The following CCDC22 variants were observed in gnomAD, a reference collection of about 807,000 sequenced individuals.
CCDC22 encodes CCC complex scaffolding subunit CCDC22.
CCDC22 carries 4 observed loss-of-function variants against 53.1 expected under a neutral mutation model. The ratio of observed to expected loss-of-function variants is 0.08; its 90% CI spans 0.04 to 0.17. The LOEUF (loss-of-function observed/expected upper bound fraction) is 0.17. Ranked by LOEUF, CCDC22 falls within the 10% of genes least tolerant of loss-of-function variation. CCDC22 has a pLI of 1.00. For missense variants in CCDC22, 458 were observed against 554.0 expected, an observed-to-expected ratio of 0.83 and a Z score of 1.74; for synonymous variants, 222 against 224.4, an observed-to-expected ratio of 0.99 and a Z score of 0.10.
At chrX:49,250,012 C>T (rs2066017450) in intron 16 of CCDC22, 136 bp from the exon 17 acceptor site, 6 of 476,828 alleles carry the variant, frequency 1.3e-5, no homozygotes, top group Admixed American at 3.3e-5. Context: ...GAACACCACA[C>T]GAGGCCTGGC....
At position 49,250,257 on chromosome X, in the gene CCDC22, C is replaced by G. The variant is rs1557115225; in HGVS notation, c.1880C>G (p.Ala627Gly). Residue 627 changes from alanine (A) to glycine (G), a missense_variant, in exon 17 of 17, where the codon GCC (alanine) becomes GGC (glycine). By Grantham distance (60) the Ala-to-Gly change is moderately conservative (BLOSUM62 0). Coordinates refer to ENST00000376227, the MANE Select transcript of CCDC22 (RefSeq NM_014008.5). ...NAGLLGRVRE[A>G] Reference sequence around the variant, plus strand: ...GGCCTCCTAGGCCGGGTCCGGGAGGCCTGAGGAGCCGCCGGCAGAGGTCTC... The same window carrying G: ...GGCCTCCTAGGCCGGGTCCGGGAGGGCTGAGGAGCCGCCGGCAGAGGTCTC... 9.2e-7 allele frequency: 1 copy of G among 1,088,871 alleles called. No individual in the cohort carries two copies. Among genetic ancestry groups the G allele is most frequent in the Non-Finnish European group, 1.2e-6 (1 of 801,622 alleles). 89.7% of individuals were successfully genotyped at this position (1,088,871 alleles called of 1,213,427 possible).
chrX:49,247,049 C>T (rs1185722145), intron 7 of CCDC22, 124 bp downstream of exon 7: 3 of 618,044 alleles, frequency 4.9e-6, no homozygotes, highest in Non-Finnish European at 7.6e-6. Flanking sequence ...AGGCCCTCGC[C>T]CCACTGTGGG....
Position 49,247,490 on chromosome X carries a change from C to T in CCDC22, c.910-6C>T, listed in dbSNP as rs1557114401. On this transcript the variant is annotated splice_polypyrimidine_tract_variant and splice_region_variant and intron_variant, in intron 7 of 16. Transcript: ENST00000376227. ...CAGCCAGGATGCCCCTCGTCACTCCCCTTAGGAGCCCCAGGCCCAGGCCAC... is the reference window on the plus strand; with the variant it reads ...CAGCCAGGATGCCCCTCGTCACTCCTCTTAGGAGCCCCAGGCCCAGGCCAC... The T allele has an allele frequency of 8.4e-7, 1 of 1,191,112 alleles. No homozygotes were observed.
At chrX:49,248,345 AGGGTG>A (rs782790238) in intron 10 of CCDC22, 35 bp downstream of exon 10, 6 of 135,080 alleles carry the variant, frequency 4.4e-5, no homozygotes, top group South Asian at 6.4e-5. Context: ...GGAGAGGGGC[AGGGTG>A]GGGTGGGGTG....
chrX:49,249,454 T>C, intron 14 of CCDC22, 55 bp from the exon 15 acceptor site: 2 of 1,108,399 alleles, frequency 1.8e-6, no homozygotes, highest in Non-Finnish European at 2.5e-6. Flanking sequence ...TCTTAGGGCA[T>C]GGAGATGGTC....
chrX:49,238,238 G>A (rs2065947727), intron 2 of CCDC22, among the ~76,000 whole-genome samples: 1 of 109,844 alleles, frequency 9.1e-6, no homozygotes, highest in African/African-American at 3.3e-5. Context: ...GCACCACCAT[G>A]CTCAGTTAAT....
chrX:49,238,379 G>A (rs1370235373), intron 2 of CCDC22, among the ~76,000 whole-genome samples: 33 of 111,037 alleles, frequency 3.0e-4, no homozygotes, highest in Admixed American at 2.7e-3. Context: ...GCGCCCGGCC[G>A]ACACGGTCAT....
At chrX:49,236,164 A>G (rs1469152767) in intron 1 of CCDC22, among the ~76,000 whole-genome samples, 1 of 106,050 alleles carries the variant, frequency 9.4e-6, no homozygotes, top group Non-Finnish European at 1.9e-5. Flanking sequence ...TTCAAACTCC[A>G]GTTCCCCAAA....
In CCDC22 at chrX:49,243,406, C is replaced by T. The variant is rs782108051; in HGVS notation, c.658C>T (p.Arg220Trp). The change falls in exon 6 of 17, where the codon CGG becomes TGG. Residue 220 changes from arginine to tryptophan, a missense_variant. Physicochemically the swap from Arg to Trp is moderately radical, Grantham distance 101 (BLOSUM62 -3). Coordinates refer to ENST00000376227, the MANE Select transcript of CCDC22 (RefSeq NM_014008.5). ...CCTGCAGCTCTGCCAGCAGACGGGCCGGGACCGGCCAGGGGATGAGGACTG... is the reference window on the plus strand; with the variant it reads ...CCTGCAGCTCTGCCAGCAGACGGGCTGGGACCGGCCAGGGGATGAGGACTG... The part of the protein sequence containing the change: ...HALQLCQQTG[R>W]DRPGDEDWVH... 2.5e-5 allele frequency: 30 copies of T among 1,201,964 alleles called. No individual in the cohort carries two copies. Among genetic ancestry groups the T allele is most frequent in the Middle Eastern group, 2.3e-4 (1 of 4,323 alleles).
chrX:49,244,578 T>TG (rs2147938886), intron 6 of CCDC22, among the ~76,000 whole-genome samples: 1 of 110,468 alleles, frequency 9.1e-6, no homozygotes, highest in Admixed American at 9.7e-5. Flanking sequence ...TCTTTTTTTT[T>TG]GAGACGGTGT....
chrX:49,244,310 TTC>T (rs1406157341), intron 6 of CCDC22, among the ~76,000 whole-genome samples: 1 of 110,050 alleles, frequency 9.1e-6, no homozygotes, highest in African/African-American at 3.3e-5. Context: ...TCCCCTCTTC[TTC>T]TCTGTGCACC....
At chrX:49,235,825 T>TAA in intron 1 of CCDC22, 139 bp downstream of exon 1, 2 of 253,545 alleles carry the variant, frequency 7.9e-6, no homozygotes, top group Non-Finnish European at 6.9e-6. Flanking sequence ...CCTCACCCCC[T>TAA]TACACACACA....
rs150850672 is a variant in CCDC22 at position 49,250,187 on chromosome X, G to A, written c.1810G>A (p.Glu604Lys). The A allele has an allele frequency of 1.0e-5, 12 of 1,165,685 alleles. No individual in the cohort carries two copies. The African/African-American group carries it at 2.0e-4, about 19-fold the overall frequency. Residue 604 changes from glutamate to lysine, a missense_variant, in exon 17 of 17, where the codon GAG (glutamate) becomes AAG (lysine). By Grantham distance (56) the Glu-to-Lys change is moderately conservative. Around this residue, in one of 4 missense-constraint regions of CCDC22, gnomAD observed 46 missense variants for 52.3 expected, o/e 0.88. Transcript: ENST00000376227. ...GGGCAAGAAGACCCTCAGCAACCTG[G>A]AGAAGATCCGGGAGGACTACCGAGC... is the stretch of plus-strand genomic sequence containing the variant. The part of the protein sequence containing the change: ...ELGKKTLSNL[E>K]KIREDYRALR...
intron 1 of CCDC22, 48 bp downstream of exon 1, chrX:49,235,734 T>A: frequency 9.3e-7 from 1 of 1,078,134 alleles, no homozygotes; most frequent in Non-Finnish European, 1.3e-6. Context: ...TCCGGGACTC[T>A]AAAGCCCAGG....
rs1557112833 is a variant in CCDC22, at chrX:49,237,143, G to A, written c.108G>A (p.Glu36=). The A allele has an allele frequency of 8.3e-7, 1 of 1,211,982 alleles. No individual in the cohort carries two copies. Among genetic ancestry groups the A allele is most frequent in the South Asian group, 1.8e-5 (1 of 57,036 alleles). ...CCTTCACCACTGAGCTGGTTGTAGA[G>A]GCTGTGGTCCGCTGCCTGCGTGTGA... ...LRAFTTELVV[E]AVVRCLRVIN... The change falls in exon 2 of 17, where the codon GAG becomes GAA. Residue 36 remains glutamate (E), a synonymous_variant. Coordinates refer to ENST00000376227, the MANE Select transcript of CCDC22 (RefSeq NM_014008.5).
At chrX:49,246,506 G>C (rs1366217549) in intron 6 of CCDC22, among the ~76,000 whole-genome samples, 2 of 111,971 alleles carry the variant, frequency 1.8e-5, no homozygotes, top group African/African-American at 6.5e-5. Context: ...TGGGGATCTA[G>C]TGGGTGGAGA....
intron 13 of CCDC22, 101 bp from the exon 14 acceptor site, chrX:49,249,066 C>CTGACACAG: frequency 9.0e-7 from 1 of 1,115,787 alleles, no homozygotes; most frequent in South Asian, 2.0e-5. Context: ...CCAGTCACCC[C>CTGACACAG]TGACACAGTG....
rs782445678 is a variant in CCDC22, at chrX:49,243,419, G to A, written c.671G>A (p.Gly224Glu). 8.3e-7 allele frequency: 1 copy of A among 1,201,268 alleles called. No homozygotes were observed. The highest frequency in any genetic ancestry group is 3.0e-5 in the East Asian group (1 of 33,411). ...LCQQTGRDRPGDEDWVHRTSR... is the reference protein window; with the variant it reads ...LCQQTGRDRPEDEDWVHRTSR... ...CAGCAGACGGGCCGGGACCGGCCAG[G>A]GGATGAGGACTGGGTCCACCGGACA... Residue 224 changes from glycine to glutamate, a missense_variant, in exon 6 of 17, where the codon GGG becomes GAG. Physicochemically the swap from Gly to Glu is moderately conservative, Grantham distance 98. This residue lies in a region of CCDC22 where 309 missense variants were observed against 312.3 expected (regional missense o/e 0.99). Transcript: ENST00000376227.
chrX:49,248,085 C>T, intron 9 of CCDC22, 106 bp from the exon 10 acceptor site: 1 of 1,176,959 alleles, frequency 8.5e-7, no homozygotes, highest in Admixed American at 2.2e-5. Context: ...GGGTCCTTGG[C>T]ACCAGCGTGG....
Sources: gnomAD v4.1 joint callset for allele counts (sites outside exome capture counted in the v4.1 genomes callset) on GRCh38, gnomAD v4.1.1 for gene constraint, gnomAD v4.1.1 regional missense constraint, MANE v1.5 for transcripts, NCBI Gene and HGNC (gene_info 2026-07-23, HGNC 2026-07-21) for gene names.